The following CIT variants were observed in gnomAD, a reference collection of about 807,000 sequenced individuals.
The protein encoded by CIT is citron rho-interacting serine/threonine kinase.
In CIT, 79 loss-of-function variants were observed where a neutral mutation model predicts 272.7. That is an observed-to-expected ratio of 0.29 (90% CI 0.24 to 0.35). The LOEUF is 0.35. Ranked by LOEUF, CIT falls within the 10% of genes least tolerant of loss-of-function variation. The pLI, the probability that CIT is intolerant of heterozygous loss-of-function variation, is 1.00. For synonymous variants in CIT, 948 were observed against 995.6 expected, an observed-to-expected ratio of 0.95 and a Z score of 0.90; for missense variants, 1,909 against 2,618.3, an observed-to-expected ratio of 0.73 and a Z score of 5.91.
At chr12:119,813,104 G>A (rs1966871249) in intron 9 of CIT, among the ~76,000 whole-genome samples, 1 of 152,212 alleles carries the variant, frequency 6.6e-6, no homozygotes, top group Admixed American at 6.5e-5. Flanking sequence ...GGTAGGATGG[G>A]CAAATTTACC....
In CIT at chr12:119,712,562, A is replaced by G. The variant is rs1447705703; in HGVS notation, c.4684+29T>C. 4 of 1,599,380 alleles carry G rather than the reference A, an allele frequency of 2.5e-6. 1 individual carries two copies. Among genetic ancestry groups the G allele is most frequent in the Non-Finnish European group, 3.4e-6 (4 of 1,166,676 alleles). On this transcript the variant is annotated intron_variant, in intron 36 of 47. Coordinates refer to ENST00000392521, the MANE Select transcript of CIT (RefSeq NM_001206999.2). This position sits in a 1 kb window ranked among gnomAD's most constrained non-coding sequence, Gnocchi z 5.2. ...GATTGGCCAAGCCCGGCCCACCTCC[A>G]GGGCGGGGCTCCTCCGGCTCCTCCT...
rs1957110374 is a variant in CIT at position 119,710,490 on chromosome 12, G to A, written c.4935+50C>T. On this transcript the variant is annotated intron_variant, in intron 38 of 47. Coordinates refer to ENST00000392521, the MANE Select transcript of CIT (RefSeq NM_001206999.2). This position sits in a 1 kb window ranked among gnomAD's most constrained non-coding sequence, Gnocchi z 5.6. The stretch of plus-strand genomic sequence containing the variant: ...CTCCACAGCCCTTTCTTTCTTGATG[G>A]GGTGTGGCTGTAACCAGACACCAGC... 1 of 1,612,826 alleles carries A rather than the reference G, an allele frequency of 6.2e-7. No homozygotes were observed. Among genetic ancestry groups the A allele is most frequent in the East Asian group, 2.2e-5 (1 of 44,870 alleles).
intron 25 of CIT, 182 bp from the exon 26 acceptor site, chr12:119,734,539 C>T (rs1958648675): frequency 1.5e-6 from 1 of 652,102 alleles, no homozygotes; most frequent in African/African-American, 1.8e-5. Context: ...GTTCTGCAGC[C>T]ACCTTAGAGG....
At chr12:119,748,008 T>C (rs945953605) in intron 23 of CIT, among the ~76,000 whole-genome samples, 3 of 151,070 alleles carry the variant, frequency 2.0e-5, no homozygotes, top group Admixed American at 1.3e-4. Context: ...TACAAAAAAA[T>C]ACAAAAGTTA....
At position 119,857,634 on chromosome 12, in the gene CIT, A is replaced by G. The variant is rs781286149; in HGVS notation, c.303T>C (p.Ser101=). The G allele has an allele frequency of 6.2e-7, 1 of 1,614,118 alleles. No homozygotes were observed. Among genetic ancestry groups the G allele is most frequent in the Admixed American group, 1.7e-5 (1 of 60,004 alleles). Residue 101 remains serine, a synonymous_variant, in exon 4 of 48, where the codon AGT becomes AGC. Transcript: ENST00000392521. The stretch of plus-strand genomic sequence containing the variant: ...CAGCAAAGTGACCACAACCTACAAG[A>G]CTTCTGACTTCGAAGTCCTTTGCCG... ...QPSAKDFEVR[S]LVGCGHFAEV... is the part of the protein sequence containing the mutation.
At chr12:119,818,895 G>A (rs1461163622) in intron 9 of CIT, among the ~76,000 whole-genome samples, 2 of 152,196 alleles carry the variant, frequency 1.3e-5, no homozygotes, top group Non-Finnish European at 2.9e-5. Flanking sequence ...CTTAAAAGAT[G>A]TTGATAGAAG....
Position 119,714,197 on chromosome 12 carries a change from C to T in CIT, c.4306G>A (p.Glu1436Lys). Residue 1436 changes from glutamate (E) to lysine (K), a missense_variant and splice_region_variant, in exon 33 of 48, where the codon GAA becomes AAA. Around this residue, in one of 8 missense-constraint regions of CIT, gnomAD observed 780 missense variants for 1,067.2 expected, o/e 0.73. Coordinates refer to ENST00000392521, the MANE Select transcript of CIT (RefSeq NM_001206999.2). Reference protein sequence around the residue: ...HFGRQASKCLECQVMCHPKCS... With the variant: ...HFGRQASKCLKCQVMCHPKCS... ...ACAGATGCACAACTACTGATCTTAC[C>T]GAGACATTTGGATGCCTGGCGTCCA... 6.2e-7 allele frequency: 1 copy of T among 1,613,998 alleles called. No homozygotes were observed. The highest frequency in any genetic ancestry group is 8.5e-7 in the Non-Finnish European group (1 of 1,179,976).
chr12:119,717,046 T>C (rs1957529528), intron 32 of CIT, among the ~76,000 whole-genome samples: 1 of 152,178 alleles, frequency 6.6e-6, no homozygotes, highest in Non-Finnish European at 1.5e-5. Flanking sequence ...AAAGATAAGC[T>C]TACGTTTTCT....
intron 39 of CIT, among the ~76,000 whole-genome samples, chr12:119,708,596 C>T (rs1432228687): frequency 6.6e-6 from 1 of 152,104 alleles, no homozygotes; most frequent in Non-Finnish European, 1.5e-5. Context: ...AGCAATTCTC[C>T]TGCCTCAGCC....
intron 3 of CIT, among the ~76,000 whole-genome samples, chr12:119,862,808 TAAAAAAAAAAAAA>T (rs1157467178): frequency 4.6e-3 from 47 of 10,242 alleles, no homozygotes; most frequent in African/African-American, 0.01. Flanking sequence ...AGACTCTACC[TAAAAAAAAAAAAA>T]AAAAAAAAAA....
intron 29 of CIT, 63 bp from the exon 30 acceptor site, chr12:119,720,648 C>A: frequency 8.3e-7 from 1 of 1,204,552 alleles, no homozygotes; most frequent in Non-Finnish European, 1.2e-6. Context: ...AAAGTTGGTA[C>A]TTTAAGAAAC....
chr12:119,860,260 C>A (rs185567421), intron 3 of CIT, among the ~76,000 whole-genome samples: 3 of 152,218 alleles, frequency 2.0e-5, no homozygotes, highest in African/African-American at 7.2e-5. Context: ...CAGCAATCAT[C>A]CTGAATACAC....
intron 44 of CIT, among the ~76,000 whole-genome samples, chr12:119,699,354 G>A (rs1219816044): frequency 6.6e-6 from 1 of 151,300 alleles, no homozygotes; most frequent in Non-Finnish European, 1.5e-5. Context: ...CTCTATCTCT[G>A]CATGACAGTG....
chr12:119,693,030 A>G (rs1956044253), intron 46 of CIT, among the ~76,000 whole-genome samples: 1 of 152,188 alleles, frequency 6.6e-6, no homozygotes, highest in African/African-American at 2.4e-5. Flanking sequence ...AAAAGAAATG[A>G]TAAGATGTGT....
intron 25 of CIT, 28 bp from the exon 26 acceptor site, chr12:119,734,385 C>G (rs574301213): frequency 6.2e-7 from 1 of 1,604,608 alleles, no homozygotes; most frequent in Admixed American, 1.7e-5. Context: ...TGATTTGTGC[C>G]TTGTCTTTAA....
At position 119,868,058 on chromosome 12, in the gene CIT, A is replaced by G. The variant is rs557122370; in HGVS notation, c.238+1002T>C. On this transcript the variant is annotated intron_variant, in intron 3 of 47. Coordinates refer to ENST00000392521, the MANE Select transcript of CIT (RefSeq NM_001206999.2). Reference sequence around the variant, plus strand: ...AGCCTGGGTAACATAGTAAGACCCTATCTCTACAGAGAAAAAAGCAAAAAT... The same window carrying G: ...AGCCTGGGTAACATAGTAAGACCCTGTCTCTACAGAGAAAAAAGCAAAAAT... 2.6e-4 allele frequency among the ~76,000 whole-genome samples: 40 copies of G among 152,218 alleles called. No individual in the cohort carries two copies. The East Asian group carries it at 2.7e-3, about 10-fold the overall frequency.
intron 9 of CIT, among the ~76,000 whole-genome samples, chr12:119,813,763 C>T (rs1388966150): frequency 1.3e-5 from 2 of 152,126 alleles, no homozygotes; most frequent in South Asian, 4.1e-4. Context: ...ACTAAGAGGC[C>T]CAGAAGGAAG....
At chr12:119,860,355 G>C (rs985477072) in intron 3 of CIT, among the ~76,000 whole-genome samples, 4 of 152,064 alleles carry the variant, frequency 2.6e-5, no homozygotes, top group African/African-American at 9.7e-5. Flanking sequence ...CAAATCTAGG[G>C]CACCTACATG....
At chr12:119,744,714 C>CAA (rs33990797) in intron 23 of CIT, among the ~76,000 whole-genome samples, 8,253 of 103,054 alleles carry the variant, frequency 0.08, 742 homozygotes, top group African/African-American at 0.18. Context: ...GACTCCGCCT[C>CAA]AAAAAAAAAA....
Sources: gnomAD v4.1 joint callset for allele counts (sites outside exome capture counted in the v4.1 genomes callset) on GRCh38, gnomAD v4.1.1 for gene constraint, gnomAD v4.1.1 regional missense constraint, Gnocchi (gnomAD v3.1) non-coding constraint, MANE v1.5 for transcripts, NCBI Gene and HGNC (gene_info 2026-07-23, HGNC 2026-07-21) for gene names.